CDKAL1: variants seen among roughly 807,000 people sequenced by gnomAD.
CDKAL1 encodes the protein threonylcarbamoyladenosine tRNA methylthiotransferase.
In CDKAL1, 32 loss-of-function variants were observed where a neutral mutation model predicts 68.2. The observed-to-expected ratio is 0.47, with a 90% CI of 0.35 to 0.63. The LOEUF (loss-of-function observed/expected upper bound fraction) is 0.63. Ranked by LOEUF, CDKAL1 falls within the 30% of genes least tolerant of loss-of-function variation. The probability of loss-of-function intolerance (pLI) is 0.00; values close to 1 mark genes in which losing one functional copy is unlikely to be tolerated. For synonymous variants in CDKAL1, 234 were observed against 244.3 expected (o/e 0.96, Z 0.39); for missense variants, 606 against 696.7 (o/e 0.87, Z 1.47).
At chr6:21,132,874 A>T (rs572028512) in intron 13 of CDKAL1, among the ~76,000 whole-genome samples, 45 of 150,356 alleles carry the variant, frequency 3.0e-4, no homozygotes, top group Non-Finnish European at 5.6e-4. Context: ...ATTTGTTTAA[A>T]TTTTTTTTTT....
chr6:20,788,170 A>G (rs1325480559), intron 8 of CDKAL1, among the ~76,000 whole-genome samples: 1 of 152,232 alleles, frequency 6.6e-6, no homozygotes, highest in Non-Finnish European at 1.5e-5. Context: ...TAGCTTAAAC[A>G]TACAGAGCAA....
chr6:20,858,596 G>T (rs1332661501), intron 9 of CDKAL1, among the ~76,000 whole-genome samples: 1 of 152,102 alleles, frequency 6.6e-6, no homozygotes, highest in African/African-American at 2.4e-5. Context: ...TTGAGACAAG[G>T]TATATCTTTG....
chr6:20,963,068 G>GT (rs1765133197), intron 10 of CDKAL1, among the ~76,000 whole-genome samples: 1 of 152,178 alleles, frequency 6.6e-6, no homozygotes. Context: ...TTCTTTTTAA[G>GT]TTTATCAGGC....
chr6:20,981,579 C>T (rs1026891527), intron 10 of CDKAL1, among the ~76,000 whole-genome samples: 1 of 152,166 alleles, frequency 6.6e-6, no homozygotes, highest in African/African-American at 2.4e-5. Context: ...CAGTGGCTCA[C>T]GCCTGTAATC....
chr6:20,932,719 T>C (rs1763522728), intron 9 of CDKAL1, among the ~76,000 whole-genome samples: 1 of 152,156 alleles, frequency 6.6e-6, no homozygotes, highest in Admixed American at 6.5e-5. Context: ...AGAATATGAT[T>C]TCCTTGCCAA....
chr6:21,140,330 A>C (rs1373727934), intron 13 of CDKAL1, among the ~76,000 whole-genome samples: 3 of 152,222 alleles, frequency 2.0e-5, no homozygotes, highest in Non-Finnish European at 1.5e-5. Flanking sequence ...TATTTACGGC[A>C]AAGCTACTTG....
chr6:20,678,123 T>C (rs1049925730), intron 5 of CDKAL1, among the ~76,000 whole-genome samples: 1 of 151,968 alleles, frequency 6.6e-6, no homozygotes, highest in Non-Finnish European at 1.5e-5. Context: ...TAAGTCTTTG[T>C]ACTATCATTG....
chr6:20,622,372 T>G (rs1767233324), intron 4 of CDKAL1, among the ~76,000 whole-genome samples: 1 of 152,180 alleles, frequency 6.6e-6, no homozygotes, highest in African/African-American at 2.4e-5. Context: ...TTAAAAAAAC[T>G]AAGGATTGGA....
rs1773762406 is a variant in CDKAL1, at chr6:20,748,554, G to GAAAA, written c.468+8939_468+8940insAAAA. 1.2e-4 allele frequency among the ~76,000 whole-genome samples: 9 copies of GAAAA among 77,090 alleles called. 2 individuals are homozygous for GAAAA. The highest frequency in any genetic ancestry group is 4.3e-4 in the African/African-American group (9 of 21,016). The allele number at this position is 77,090 out of a possible 152,430, so 50.6% of individuals were successfully genotyped here. A position where few individuals can be genotyped will look rare whatever the true frequency, so the allele number is the denominator to read the frequency against. On this transcript the variant is annotated intron_variant, in intron 6 of 15. Coordinates refer to ENST00000274695, the MANE Select transcript of CDKAL1 (RefSeq NM_017774.3). ...GGAAAGAGAGCAAGACTCTGTTTCT[G>GAAAA]GAAAAAAAAAAAAAAAAAAAAAAAA...
At chr6:21,151,617 G>A (rs1776414551) in intron 13 of CDKAL1, among the ~76,000 whole-genome samples, 1 of 152,152 alleles carries the variant, frequency 6.6e-6, no homozygotes, top group Admixed American at 6.5e-5. Context: ...ATAATTATTA[G>A]ACTTTAATAG....
At chr6:20,821,731 A>G (rs550084062) in intron 8 of CDKAL1, among the ~76,000 whole-genome samples, 13 of 152,260 alleles carry the variant, frequency 8.5e-5, no homozygotes, top group Admixed American at 6.5e-4. Context: ...TGTAATTTGA[A>G]GACAAAGCCA....
chr6:20,665,213 A>C (rs1769474889), intron 5 of CDKAL1, among the ~76,000 whole-genome samples: 2 of 152,158 alleles, frequency 1.3e-5, no homozygotes, highest in South Asian at 4.1e-4. Context: ...TTATATAAAA[A>C]GTGTTTTGCA....
At chr6:21,217,876 G>T (rs1206905237) in intron 15 of CDKAL1, among the ~76,000 whole-genome samples, 1 of 152,138 alleles carries the variant, frequency 6.6e-6, no homozygotes, top group African/African-American at 2.4e-5. Flanking sequence ...TCCTACTTTG[G>T]CCTCCCAAAG....
chr6:21,069,564 G>A (rs1771642346), intron 12 of CDKAL1, among the ~76,000 whole-genome samples: 1 of 151,818 alleles, frequency 6.6e-6, no homozygotes, highest in African/African-American at 2.4e-5. Flanking sequence ...ATTTCATGAA[G>A]GTTTTGCATT....
chr6:20,942,596 A>C (rs1034079474), intron 9 of CDKAL1, among the ~76,000 whole-genome samples: 1 of 148,238 alleles, frequency 6.7e-6, no homozygotes, highest in African/African-American at 2.5e-5. Flanking sequence ...TGAGCTCCCA[A>C]CCTCAGGTGA....
At chr6:20,618,614 A>G (rs1013894728) in intron 4 of CDKAL1, among the ~76,000 whole-genome samples, 4 of 152,150 alleles carry the variant, frequency 2.6e-5, no homozygotes, top group African/African-American at 9.7e-5. Flanking sequence ...GTGTCCAGGC[A>G]TATTCCCTAT....
chr6:20,694,062 A>G (rs4712529), intron 5 of CDKAL1, among the ~76,000 whole-genome samples: 17,320 of 129,150 alleles, frequency 0.13, 2,280 homozygotes, highest in African/African-American at 0.32. Flanking sequence ...GTGTGTGTGT[A>G]TGTGTGTGTG....
chr6:21,206,357 C>G (rs1388050760), intron 15 of CDKAL1, among the ~76,000 whole-genome samples: 2 of 152,102 alleles, frequency 1.3e-5, no homozygotes, highest in Non-Finnish European at 2.9e-5. Context: ...AGAGATCTGT[C>G]TCTCTTAGGA....
At chr6:20,993,536 C>A (rs1362323099) in intron 10 of CDKAL1, 1 of 152,104 alleles carries the variant, frequency 6.6e-6, no homozygotes, top group Non-Finnish European at 1.5e-5. Flanking sequence ...AGTGTCATTC[C>A]AATTTTAGTA....
Sources: allele counts gnomAD v4.1 joint callset (sites outside exome capture counted in the v4.1 genomes callset), GRCh38; gene constraint gnomAD v4.1.1; transcripts MANE v1.5; gene names NCBI Gene and HGNC (gene_info 2026-07-23, HGNC 2026-07-21).